TFDP1: variants seen among roughly 807,000 people sequenced by gnomAD.
TFDP1 encodes DRTF1-polypeptide 1.
Under a neutral mutation model 48.0 loss-of-function variants are expected in TFDP1, and 6 were observed. The observed-to-expected ratio is 0.13, with a 90% CI of 0.07 to 0.25. TFDP1 has a LOEUF of 0.25. TFDP1 is among the 10% of genes least tolerant of loss of function. The pLI, the probability that TFDP1 is intolerant of heterozygous loss-of-function variation, is 1.00. For missense variants in TFDP1, 335 were observed against 543.0 expected, an observed-to-expected ratio of 0.62 and a Z score of 3.81; for synonymous variants, 201 against 211.6, an observed-to-expected ratio of 0.95 and a Z score of 0.44.
Position 113,601,174 on chromosome 13 carries a change from C to T in TFDP1, c.13-9822C>T, listed in dbSNP as rs377247516. Among the ~76,000 whole-genome samples the T allele has an allele frequency of 2.9e-4, 44 of 152,254 alleles. No individual in the cohort carries two copies. The East Asian group carries it at 7.8e-3, about 27-fold the overall frequency. On this transcript the variant is annotated intron_variant, in intron 2 of 11. Transcript: ENST00000375370. ...CGTAGCTGAGAAGGGCTGGGCCTGG[C>T]GGTCACCCAGCGTCTCCTGCCTGGA...
At chr13:113,602,592 AG>A (rs1316015574) in intron 2 of TFDP1, among the ~76,000 whole-genome samples, 1 of 152,224 alleles carries the variant, frequency 6.6e-6, no homozygotes, top group African/African-American at 2.4e-5. Flanking sequence ...CCCTCAGTGC[AG>A]CTGGGTCACT....
At position 113,623,872 on chromosome 13, in the gene TFDP1, C is replaced by T. The variant is rs148377128; in HGVS notation, c.186+586C>T. On this transcript the variant is annotated intron_variant, in intron 4 of 11. Transcript: ENST00000375370. The surrounding 1 kb of genome is among the most constrained non-coding windows in gnomAD (Gnocchi z 5.2). Reference sequence around the variant, plus strand: ...CTTCTCATAATGCTGTTTCCTGTCTCGTGTCCGCCCTCTGCGTCCTTGCCG... The same window carrying T: ...CTTCTCATAATGCTGTTTCCTGTCTTGTGTCCGCCCTCTGCGTCCTTGCCG... Among the ~76,000 whole-genome samples, 531 of 152,292 alleles carry T rather than the reference C, an allele frequency of 3.5e-3. 1 individual carries two copies. The highest frequency in any genetic ancestry group is 0.012 in the African/African-American group (506 of 41,552).
chr13:113,600,572 G>T (rs187190526), intron 2 of TFDP1, among the ~76,000 whole-genome samples: 2 of 142,716 alleles, frequency 1.4e-5, no homozygotes, highest in East Asian at 2.3e-4. Flanking sequence ...ACTCAGGACT[G>T]CAAGAGAGAA....
chr13:113,631,444 G>A (rs1401660377), intron 4 of TFDP1, among the ~76,000 whole-genome samples, 179 bp from the exon 5 acceptor site: 1 of 152,102 alleles, frequency 6.6e-6, no homozygotes, highest in East Asian at 1.9e-4. Context: ...GAACCGGTGG[G>A]GTGATGCCGT....
chr13:113,634,748 G>A (rs772361891), intron 8 of TFDP1, 146 bp downstream of exon 8: 13 of 654,300 alleles, frequency 2.0e-5, no homozygotes, highest in Non-Finnish European at 2.9e-5. Flanking sequence ...CATCTCATAG[G>A]TGTTGAACGT....
chr13:113,627,733 T>C lies in TFDP1; in HGVS notation c.187-3890T>C, dbSNP rs1700899054. ...AGGTTCTCAGGAGCGCAAACCCCAC[T>C]GTGAACGGCACATGCAGGATCTAGG... is the stretch of plus-strand genomic sequence containing the variant. On this transcript the variant is annotated intron_variant, in intron 4 of 11. Transcript: ENST00000375370. This position sits in a 1 kb window ranked among gnomAD's most constrained non-coding sequence, Gnocchi z 4.1. 6.9e-6 allele frequency among the ~76,000 whole-genome samples: 1 copy of C among 145,866 alleles called. No homozygotes were observed. The highest frequency in any genetic ancestry group is 2.8e-5 in the African/African-American group (1 of 35,534).
chr13:113,622,128 A>T (rs902519884), intron 3 of TFDP1, among the ~76,000 whole-genome samples: 2 of 152,186 alleles, frequency 1.3e-5, no homozygotes, highest in Non-Finnish European at 2.9e-5. Context: ...CTGTGATTGG[A>T]GATGGCTTAC....
chr13:113,619,846 G>C (rs539446853), intron 3 of TFDP1, among the ~76,000 whole-genome samples: 2 of 152,266 alleles, frequency 1.3e-5, no homozygotes, highest in South Asian at 2.1e-4. Context: ...GTCTAGGCTG[G>C]GAGGGGCCCT....
intron 4 of TFDP1, 74 bp from the exon 5 acceptor site, chr13:113,631,549 G>A: frequency 3.3e-6 from 5 of 1,531,272 alleles, no homozygotes; most frequent in South Asian, 1.3e-5. Flanking sequence ...TGCGGATAGC[G>A]AACAGATGGT....
chr13:113,635,546 C>T (rs991686153), intron 8 of TFDP1, among the ~76,000 whole-genome samples: 1 of 152,174 alleles, frequency 6.6e-6, no homozygotes, highest in African/African-American at 2.4e-5. Flanking sequence ...AGGAGCACCC[C>T]TGCAGCACAT....
chr13:113,600,871 C>A (rs1021175410), intron 2 of TFDP1, among the ~76,000 whole-genome samples: 2 of 146,916 alleles, frequency 1.4e-5, no homozygotes, highest in African/African-American at 5.2e-5. Context: ...GAACTCAGGA[C>A]TGCAAGAGAG....
At chr13:113,585,961 T>C in intron 2 of TFDP1, 112 bp downstream of exon 2, 1 of 1,281,074 alleles carries the variant, frequency 7.8e-7, no homozygotes, top group Non-Finnish European at 1.1e-6. Context: ...AGTGTTTATT[T>C]TCAGACTTTT....
rs141583473 is a variant in TFDP1 at position 113,607,268 on chromosome 13, G to A, written c.13-3728G>A. Among the ~76,000 whole-genome samples the A allele has an allele frequency of 1.2e-3, 188 of 152,362 alleles. No homozygotes were observed. Among genetic ancestry groups the A allele is most frequent in the African/African-American group, 4.2e-3 (176 of 41,588 alleles). Reference sequence around the variant, plus strand: ...GAGCCCAGAGCTTCTCCAGGAGAAAGCTGAGGAAAGGGGCCAGCCGTGAGC... The same window carrying A: ...GAGCCCAGAGCTTCTCCAGGAGAAAACTGAGGAAAGGGGCCAGCCGTGAGC... On this transcript the variant is annotated intron_variant, in intron 2 of 11. Transcript: ENST00000375370. This position sits in a 1 kb window ranked among gnomAD's most constrained non-coding sequence, Gnocchi z 5.2.
chr13:113,587,845 T>C (rs1434061391), intron 2 of TFDP1, among the ~76,000 whole-genome samples: 2 of 152,218 alleles, frequency 1.3e-5, no homozygotes, highest in African/African-American at 2.4e-5. Flanking sequence ...GGAACATCGA[T>C]AACCAGTTAG....
intron 2 of TFDP1, among the ~76,000 whole-genome samples, chr13:113,608,207 C>T (rs2048616991): frequency 6.6e-6 from 1 of 152,200 alleles, no homozygotes; most frequent in African/African-American, 2.4e-5. Flanking sequence ...TCAGGCTGCC[C>T]CCGCCAACAG....
chr13:113,633,266 A>T lies in TFDP1; in HGVS notation c.455A>T (p.His152Leu), dbSNP rs1335193890. ...LVAEFSAADN[H>L]ILPNESAYDQ... is the part of the protein sequence containing the mutation. ...GCGGAGTTCAGTGCTGCCGACAACC[A>T]CATCTTACCAAACGAGTCAGTAAGT... The change falls in exon 6 of 12, where the codon CAC (histidine) becomes CTC (leucine). Residue 152 changes from histidine to leucine, a missense_variant. By Grantham distance (99) the His-to-Leu change is moderately conservative. Transcript: ENST00000375370. This position sits in a 1 kb window ranked among gnomAD's most constrained non-coding sequence, Gnocchi z 4.5. 9 of 1,613,826 alleles carry T rather than the reference A, an allele frequency of 5.6e-6. No individual in the cohort carries two copies. The highest frequency in any genetic ancestry group is 6.8e-6 in the Non-Finnish European group (8 of 1,179,838).
At position 113,623,386 on chromosome 13, in the gene TFDP1, G is replaced by A; in HGVS notation, c.186+100G>A. 1 of 1,155,466 alleles carries A rather than the reference G, an allele frequency of 8.7e-7. No homozygotes were observed. Among genetic ancestry groups the A allele is most frequent in the Non-Finnish European group, 1.2e-6 (1 of 811,352 alleles). 71.6% of individuals were successfully genotyped at this position (1,155,466 alleles called of 1,614,324 possible). A position where few individuals can be genotyped will look rare whatever the true frequency, so the allele number is the denominator to read the frequency against. ...TGTTCCCAGGTGTGCCTGGATTTGG[G>A]CTCCAGTTGCAGCATGGGGCCTTTC... On this transcript the variant is annotated intron_variant, in intron 4 of 11. Transcript: ENST00000375370. This position sits in a 1 kb window ranked among gnomAD's most constrained non-coding sequence, Gnocchi z 5.2.
intron 2 of TFDP1, among the ~76,000 whole-genome samples, chr13:113,589,531 C>CT (rs966465739): frequency 6.6e-6 from 1 of 152,236 alleles, no homozygotes; most frequent in Non-Finnish European, 1.5e-5. Flanking sequence ...CGTACAGACT[C>CT]TTTGAGTTTC....
In TFDP1 at chr13:113,616,218, AAAG is replaced by A. The variant is rs796263611; in HGVS notation, c.79+5158_79+5160del. ...ACTCTGTCTCCAAAAAAAAAAAAAA[AAAG>A]AGTAAGTGTGTAAGTGTACATTTGA... On this transcript the variant is annotated intron_variant, in intron 3 of 11. Coordinates refer to ENST00000375370, the MANE Select transcript of TFDP1 (RefSeq NM_007111.5). 2.7e-3 allele frequency among the ~76,000 whole-genome samples: 385 copies of A among 142,940 alleles called. 5 individuals are homozygous for A. Among genetic ancestry groups the A allele is most frequent in the African/African-American group, 9.7e-3 (352 of 36,370 alleles). The allele number at this position is 142,940 out of a possible 152,430, so 93.8% of individuals were successfully genotyped here.
Sources: allele counts gnomAD v4.1 joint callset (sites outside exome capture counted in the v4.1 genomes callset), GRCh38; gene constraint gnomAD v4.1.1; non-coding constraint Gnocchi (gnomAD v3.1); transcripts MANE v1.5; gene names NCBI Gene and HGNC (gene_info 2026-07-23, HGNC 2026-07-21).